MCPH1: variants seen among roughly 807,000 people sequenced by gnomAD.
MCPH1 encodes microcephalin 1.
A neutral mutation model predicts 84.5 loss-of-function variants in MCPH1; 104 were observed. That is an observed-to-expected ratio of 1.23 (90% CI 1.05 to 1.45). MCPH1 has a LOEUF of 1.45. Among genes scored for constraint, MCPH1 ranks in the 40% most tolerant of loss-of-function variants. The pLI is 0.00. For synonymous variants in MCPH1, 514 were observed against 366.8 expected (o/e 1.40, Z -4.58); for missense variants, 1,498 against 1,005.7 (o/e 1.49, Z -6.62).
At chr8:6,479,402 C>T (rs1347879037) in intron 10 of MCPH1, among the ~76,000 whole-genome samples, 5 of 140,256 alleles carry the variant, frequency 3.6e-5, no homozygotes, top group Admixed American at 7.1e-5. Flanking sequence ...ATTTCTTTTT[C>T]TATTTATTTA....
At chr8:6,566,001 T>A (rs1225166558) in intron 12 of MCPH1, among the ~76,000 whole-genome samples, 1 of 152,146 alleles carries the variant, frequency 6.6e-6, no homozygotes, top group East Asian at 1.9e-4. Flanking sequence ...CAGTGTCAGA[T>A]GGTAATTATT....
chr8:6,636,956 G>C (rs1285445471), intron 13 of MCPH1, among the ~76,000 whole-genome samples: 2 of 152,234 alleles, frequency 1.3e-5, no homozygotes, highest in Non-Finnish European at 2.9e-5. Context: ...TTTCTTGTCT[G>C]TGACACATTC....
At chr8:6,437,405 A>G (rs1802817456) in intron 5 of MCPH1, among the ~76,000 whole-genome samples, 1 of 151,618 alleles carries the variant, frequency 6.6e-6, no homozygotes, top group Non-Finnish European at 1.5e-5. Flanking sequence ...TGATTTTTGT[A>G]TTTTTAGTAG....
chr8:6,626,026 A>G (rs924566884), intron 13 of MCPH1: 21 of 985,280 alleles, frequency 2.1e-5, no homozygotes, highest in Admixed American at 1.2e-4. Flanking sequence ...GGACTGCAGC[A>G]TCCGAGCACC....
Position 6,612,882 on chromosome 8 carries a change from T to A in MCPH1, c.2215-8572T>A, listed in dbSNP as rs181326529. Among the ~76,000 whole-genome samples the A allele has an allele frequency of 2.9e-4, 44 of 152,264 alleles. 1 individual carries two copies. The highest frequency in any genetic ancestry group is 1.0e-3 in the African/African-American group (43 of 41,552). ...GGGCGTGCGCCACTCTTTCAAGAAG[T>A]TTTGTTACAAAAAGATGCAAAGGAA... On this transcript the variant is annotated intron_variant, in intron 12 of 13. Coordinates refer to ENST00000344683, the MANE Select transcript of MCPH1 (RefSeq NM_024596.5).
chr8:6,600,185 A>C (rs1239209338), intron 12 of MCPH1, among the ~76,000 whole-genome samples: 2 of 152,262 alleles, frequency 1.3e-5, no homozygotes, highest in African/African-American at 4.8e-5. Context: ...ATTGCTGTCA[A>C]ATCTGCAAAA....
intron 13 of MCPH1, chr8:6,642,645 G>A (rs1260988345): frequency 1.0e-5 from 4 of 399,310 alleles, no homozygotes; most frequent in Non-Finnish European, 1.9e-5. Flanking sequence ...GAAGTGGTGA[G>A]CTAAGATTAG....
rs1349956664 is a variant in MCPH1, at chr8:6,647,181, A to G, written c.*4132A>G. 6.6e-6 allele frequency: 1 copy of G among 152,240 alleles called. No homozygotes were observed. 9.4% of individuals were successfully genotyped at this position (152,240 alleles called of 1,614,324 possible). On this transcript the variant is annotated 3_prime_UTR_variant, in exon 14 of 14. Transcript: ENST00000344683. ...TATTAAGCACATTAAAATGCTCAATATTATTAGTCACTAGGGAAATACAAA... is the reference window on the plus strand; with the variant it reads ...TATTAAGCACATTAAAATGCTCAATGTTATTAGTCACTAGGGAAATACAAA...
chr8:6,563,188 T>A lies in MCPH1; in HGVS notation c.2215-58266T>A, dbSNP rs115817715. The stretch of plus-strand genomic sequence containing the variant: ...TCACTTGGGAGGGCTGTGTCAGCTT[T>A]TACAGAGCAGCTTTCACGGTCCTTT... On this transcript the variant is annotated intron_variant, in intron 12 of 13. Transcript: ENST00000344683. The A allele has an allele frequency of 5.8e-3, 1,998 of 342,420 alleles. 33 individuals are homozygous for A. The highest frequency in any genetic ancestry group is 0.037 in the African/African-American group (1,857 of 49,526). The allele number at this position is 342,420 out of a possible 1,614,324, so 21.2% of individuals were successfully genotyped here. A position where few individuals can be genotyped will look rare whatever the true frequency, so the allele number is the denominator to read the frequency against.
chr8:6,511,981 C>T (rs928127481), intron 12 of MCPH1, among the ~76,000 whole-genome samples: 3 of 150,916 alleles, frequency 2.0e-5, no homozygotes, highest in African/African-American at 7.3e-5. Context: ...AGGTAAAACA[C>T]TGACCAACCA....
intron 10 of MCPH1, among the ~76,000 whole-genome samples, chr8:6,478,273 C>T (rs1808737596): frequency 6.6e-6 from 1 of 152,086 alleles, no homozygotes; most frequent in Non-Finnish European, 1.5e-5. Flanking sequence ...TAGTGGGATC[C>T]TTTTCCTGCC....
rs1474856298 is a variant in MCPH1, at chr8:6,500,031, A to G, written c.2214+102A>G. On this transcript the variant is annotated intron_variant, in intron 12 of 13. Coordinates refer to ENST00000344683, the MANE Select transcript of MCPH1 (RefSeq NM_024596.5). ...TTAAGTTTTTATCCAGTCAAGCACAATTATGCCCATAATTAAAAAGACATT... is the reference window on the plus strand; with the variant it reads ...TTAAGTTTTTATCCAGTCAAGCACAGTTATGCCCATAATTAAAAAGACATT... 6.5e-6 allele frequency: 6 copies of G among 923,570 alleles called. No homozygotes were observed. In the Admixed American group the frequency reaches 7.1e-5, roughly 11 times the overall value. 57.2% of individuals were successfully genotyped at this position (923,570 alleles called of 1,614,324 possible). A position where few individuals can be genotyped will look rare whatever the true frequency, so the allele number is the denominator to read the frequency against.
chr8:6,472,765 G>A (rs1807916517), intron 9 of MCPH1, among the ~76,000 whole-genome samples: 1 of 152,206 alleles, frequency 6.6e-6, no homozygotes, highest in Admixed American at 6.5e-5. Flanking sequence ...ACCATGTCCA[G>A]CCTCAGACAG....
chr8:6,421,425 A>C (rs1800175905), intron 3 of MCPH1, among the ~76,000 whole-genome samples: 1 of 152,108 alleles, frequency 6.6e-6, no homozygotes, highest in African/African-American at 2.4e-5. Flanking sequence ...CCTTCTGACA[A>C]AATGGCTTAG....
chr8:6,467,839 C>T (rs56754105), intron 9 of MCPH1, among the ~76,000 whole-genome samples: 2,484 of 152,256 alleles, frequency 0.016, 69 homozygotes, highest in African/African-American at 0.057. Context: ...CTCAAACCAT[C>T]CACTCGCCTG....
chr8:6,410,313 G>C (rs1329936496), intron 2 of MCPH1, among the ~76,000 whole-genome samples: 1 of 151,950 alleles, frequency 6.6e-6, no homozygotes, highest in African/African-American at 2.4e-5. Flanking sequence ...CTAGAATGGA[G>C]TAATTTTAAA....
chr8:6,555,948 A>G (rs2129575335), intron 12 of MCPH1, among the ~76,000 whole-genome samples: 1 of 152,180 alleles, frequency 6.6e-6, no homozygotes, highest in East Asian at 1.9e-4. Context: ...CTGGCATCTC[A>G]CCTATCTAGA....
At chr8:6,586,525 C>G (rs1244920974) in intron 12 of MCPH1, among the ~76,000 whole-genome samples, 2 of 152,176 alleles carry the variant, frequency 1.3e-5, no homozygotes, top group African/African-American at 4.8e-5. Context: ...GGAGACCGCC[C>G]TTCTTTCAGC....
rs1166451385 is a variant in MCPH1, at chr8:6,633,188, A to G, written c.2453-9806A>G. Among the ~76,000 whole-genome samples, 4 of 148,862 alleles carry G rather than the reference A, an allele frequency of 2.7e-5. No homozygotes were observed. In the Admixed American group the frequency reaches 2.7e-4, roughly 10 times the overall value. Reference sequence around the variant, plus strand: ...TGCTATTACTCTTCAACAGTGTTCTATGATTCCTAGTCAAGGGAATAAAAT... The same window carrying G: ...TGCTATTACTCTTCAACAGTGTTCTGTGATTCCTAGTCAAGGGAATAAAAT... On this transcript the variant is annotated intron_variant, in intron 13 of 13. Transcript: ENST00000344683.
Sources: allele counts gnomAD v4.1 joint callset (sites outside exome capture counted in the v4.1 genomes callset), GRCh38; gene constraint gnomAD v4.1.1; transcripts MANE v1.5; gene names NCBI Gene and HGNC (gene_info 2026-07-23, HGNC 2026-07-21).